Variants in LHPP observed in about 807,000 individuals in gnomAD.
LHPP encodes phospholysine phosphohistidine inorganic pyrophosphate phosphatase.
LHPP carries 24 observed loss-of-function variants against 30.3 expected under a neutral mutation model. The ratio of observed to expected loss-of-function variants is 0.79; its 90% CI spans 0.57 to 1.11. The LOEUF is 1.11. Among genes scored for constraint, LHPP ranks in the 50% most tolerant of loss-of-function variants. The pLI, the probability that LHPP is intolerant of heterozygous loss-of-function variation, is 0.00. For missense variants in LHPP, 356 were observed against 367.2 expected (o/e 0.97, Z 0.25); for synonymous variants, 150 against 157.1 (o/e 0.95, Z 0.34).
chr10:124,540,238 G>C (rs963599742), intron 6 of LHPP, among the ~76,000 whole-genome samples: 1 of 152,180 alleles, frequency 6.6e-6, no homozygotes, highest in African/African-American at 2.4e-5. Flanking sequence ...GAGACAAGGA[G>C]GGCTCCCACC....
intron 1 of LHPP, among the ~76,000 whole-genome samples, chr10:124,472,913 C>T (rs2133824918): frequency 6.6e-6 from 1 of 152,292 alleles, no homozygotes; most frequent in South Asian, 2.1e-4. Context: ...CCCCGTATAT[C>T]TGGGGTAGAG....
At chr10:124,563,839 G>T (rs1948442995) in intron 6 of LHPP, among the ~76,000 whole-genome samples, 1 of 152,220 alleles carries the variant, frequency 6.6e-6, no homozygotes, top group African/African-American at 2.4e-5. Context: ...ACAACTCTGG[G>T]ACAAGCATGC....
chr10:124,521,899 G>A (rs1389820672), intron 6 of LHPP, among the ~76,000 whole-genome samples: 2 of 152,234 alleles, frequency 1.3e-5, no homozygotes, highest in Non-Finnish European at 2.9e-5. Flanking sequence ...TTGTTTCTGA[G>A]GCAGCTGTCA....
chr10:124,591,406 C>G (rs937479405), intron 6 of LHPP, among the ~76,000 whole-genome samples: 2 of 152,018 alleles, frequency 1.3e-5, no homozygotes, highest in African/African-American at 4.8e-5. Flanking sequence ...GTGGGGCAGG[C>G]TCCTGAGGAT....
chr10:124,506,896 GTA>G, intron 5 of LHPP, among the ~76,000 whole-genome samples: 1 of 34,412 alleles, frequency 2.9e-5, no homozygotes, highest in African/African-American at 1.2e-4. Flanking sequence ...AGGTTGGGGG[GTA>G]GGGAGGATTT....
chr10:124,561,534 C>A (rs542850991), intron 6 of LHPP, among the ~76,000 whole-genome samples: 3 of 152,122 alleles, frequency 2.0e-5, no homozygotes, highest in African/African-American at 7.2e-5. Flanking sequence ...TCCGCCCCCC[C>A]CACAACAGTG....
chr10:124,487,449 T>C (rs111975222), intron 2 of LHPP, among the ~76,000 whole-genome samples: 50,755 of 149,564 alleles, frequency 0.34, 9,469 homozygotes, highest in African/African-American at 0.51. Context: ...TTTCTTTTTT[T>C]TTTTTTTTTT....
chr10:124,508,384 A>C (rs1954215817), intron 5 of LHPP, among the ~76,000 whole-genome samples: 2 of 152,194 alleles, frequency 1.3e-5, no homozygotes, highest in Admixed American at 1.3e-4. Flanking sequence ...GACGGGGGTC[A>C]GCCCTCCTGC....
chr10:124,466,857 C>T (rs754245508), intron 1 of LHPP, among the ~76,000 whole-genome samples: 3 of 151,828 alleles, frequency 2.0e-5, no homozygotes, highest in Admixed American at 2.0e-4. Context: ...AAAATATTAA[C>T]GTCTGGGCAC....
chr10:124,533,342 G>A (rs988483784), intron 6 of LHPP, among the ~76,000 whole-genome samples: 5 of 152,238 alleles, frequency 3.3e-5, no homozygotes, highest in African/African-American at 1.2e-4. Flanking sequence ...TTCACTTTGT[G>A]CAGAGTTGGG....
intron 1 of LHPP, among the ~76,000 whole-genome samples, chr10:124,475,231 C>G (rs113962320): frequency 2.6e-5 from 4 of 151,546 alleles, no homozygotes; most frequent in Non-Finnish European, 5.9e-5. Flanking sequence ...CTGTGTTGTT[C>G]GCCATGTTGG....
intron 6 of LHPP, among the ~76,000 whole-genome samples, chr10:124,522,732 CAAGCACTGTCTG>C (rs1954641053): frequency 6.6e-6 from 1 of 150,950 alleles, no homozygotes; most frequent in Non-Finnish European, 1.5e-5. Flanking sequence ...CGCCCCCCCC[CAAGCACTGTCTG>C]CTCCTCCCTG....
intron 6 of LHPP, among the ~76,000 whole-genome samples, chr10:124,534,651 G>A (rs1954979282): frequency 2.0e-5 from 3 of 152,202 alleles, no homozygotes; most frequent in South Asian, 2.1e-4. Context: ...TGAGGCCCCC[G>A]GGAGACAGGC....
At chr10:124,488,391 C>T (rs777797142) in intron 2 of LHPP, 31 bp from the exon 3 acceptor site, 12 of 1,611,654 alleles carry the variant, frequency 7.4e-6, no homozygotes, top group South Asian at 4.4e-5. Context: ...CCCAGGGCTC[C>T]GTGGCACTCT....
In LHPP at chr10:124,476,382, C is replaced by T. The variant is rs112229784; in HGVS notation, c.126-7757C>T. On this transcript the variant is annotated intron_variant, in intron 1 of 6. Coordinates refer to ENST00000368842, the MANE Select transcript of LHPP (RefSeq NM_022126.4). ...AGCTGGAGCCAGTGTGAGGCCGTGCCCTGTGCCAGGGGCCCGTGGCATCTC... is the reference window on the plus strand; with the variant it reads ...AGCTGGAGCCAGTGTGAGGCCGTGCTCTGTGCCAGGGGCCCGTGGCATCTC... Among the ~76,000 whole-genome samples the T allele has an allele frequency of 5.4e-3, 816 of 152,330 alleles. 4 individuals are homozygous for T. The highest frequency in any genetic ancestry group is 0.019 in the African/African-American group (784 of 41,568).
rs1274302398 is a variant in LHPP, at chr10:124,590,551, C to A, written c.717-22713C>A. ...CCCACCCAGCACCTGTCCCTTGTGTCATGACTGGACTTGTTACTTCTAGCC... is the reference window on the plus strand; with the variant it reads ...CCCACCCAGCACCTGTCCCTTGTGTAATGACTGGACTTGTTACTTCTAGCC... On this transcript the variant is annotated intron_variant, in intron 6 of 6. Transcript: ENST00000368842. The surrounding 1 kb of genome is among the most constrained non-coding windows in gnomAD (Gnocchi z 4.3). Among the ~76,000 whole-genome samples, 1 of 152,160 alleles carries A rather than the reference C, an allele frequency of 6.6e-6. No homozygotes were observed. The highest frequency in any genetic ancestry group is 1.5e-5 in the Non-Finnish European group (1 of 68,020).
rs1330804011 is a variant in LHPP, at chr10:124,510,187, C to T, written c.625-6993C>T. Reference sequence around the variant, plus strand: ...GGCAGGTGGAGTATTTTTATTTCCCCTGACAGCGCACCTCCTGACCTCTAT... The same window carrying T: ...GGCAGGTGGAGTATTTTTATTTCCCTTGACAGCGCACCTCCTGACCTCTAT... On this transcript the variant is annotated intron_variant, in intron 5 of 6. Coordinates refer to ENST00000368842, the MANE Select transcript of LHPP (RefSeq NM_022126.4). The surrounding 1 kb of genome is among the most constrained non-coding windows in gnomAD (Gnocchi z 4.0). 6.6e-6 allele frequency among the ~76,000 whole-genome samples: 1 copy of T among 152,230 alleles called. No individual in the cohort carries two copies.
At chr10:124,501,678 C>T (rs1417926460) in intron 5 of LHPP, among the ~76,000 whole-genome samples, 2 of 151,202 alleles carry the variant, frequency 1.3e-5, no homozygotes, top group Non-Finnish European at 2.9e-5. Context: ...TGAATGTGCT[C>T]GATGCCAGTG....
intron 6 of LHPP, among the ~76,000 whole-genome samples, chr10:124,520,138 C>CT (rs564219403): frequency 1.3e-4 from 19 of 149,468 alleles, no homozygotes; most frequent in East Asian, 3.9e-4. Flanking sequence ...CGGCCTCTTT[C>CT]TTTTTTTTTT....
Sources: allele counts gnomAD v4.1 joint callset (sites outside exome capture counted in the v4.1 genomes callset), GRCh38; gene constraint gnomAD v4.1.1; non-coding constraint Gnocchi (gnomAD v3.1); transcripts MANE v1.5; gene names NCBI Gene and HGNC (gene_info 2026-07-23, HGNC 2026-07-21).